The following MTHFD2L variants were observed in gnomAD, a reference collection of about 807,000 sequenced individuals.
MTHFD2L encodes bifunctional methylenetetrahydrofolate dehydrogenase/cyclohydrolase 2, mitochondrial.
MTHFD2L carries 29 observed loss-of-function variants against 34.9 expected under a neutral mutation model. The ratio of observed to expected loss-of-function variants is 0.83; its 90% CI spans 0.62 to 1.13. MTHFD2L has a LOEUF of 1.13. MTHFD2L is among the 50% of genes most tolerant of loss of function. The pLI is 0.00. For missense variants in MTHFD2L, 481 were observed against 446.5 expected, an observed-to-expected ratio of 1.08 and a Z score of -0.70; for synonymous variants, 167 against 155.7, an observed-to-expected ratio of 1.07 and a Z score of -0.54.
At position 74,199,931 on chromosome 4, in the gene MTHFD2L, A is replaced by G. The variant is rs191802169; in HGVS notation, c.589A>G (p.Ile197Val). The change falls in exon 4 of 8, where the codon ATA becomes GTA. Residue 197 changes from isoleucine (I) to valine (V), a missense_variant. By Grantham distance (29) the Ile-to-Val change is conservative. Coordinates refer to ENST00000325278, the MANE Select transcript of MTHFD2L (RefSeq NM_001144978.3). Reference sequence around the variant, plus strand: ...TGCCACTGCCAGTGCTGTTTGGGAAATAATAAAAAGAACAGGTTGGTAATT... The same window carrying G: ...TGCCACTGCCAGTGCTGTTTGGGAAGTAATAAAAAGAACAGGTTGGTAATT... ...IPATASAVWE[I>V]IKRTGIQTFG... 1 of 1,614,022 alleles carries G rather than the reference A, an allele frequency of 6.2e-7. No homozygotes were observed. Among genetic ancestry groups the G allele is most frequent in the African/African-American group, 1.3e-5 (1 of 75,024 alleles).
At chr4:74,267,561 G>T (rs145664237) in intron 6 of MTHFD2L, 1 of 257,880 alleles carries the variant, frequency 3.9e-6, no homozygotes, top group African/African-American at 2.3e-5. Context: ...TGGGACCACA[G>T]CCATGCACCA....
intron 6 of MTHFD2L, among the ~76,000 whole-genome samples, chr4:74,273,809 C>T (rs1746286263): frequency 6.6e-6 from 1 of 152,148 alleles, no homozygotes; most frequent in Admixed American, 6.6e-5. Context: ...CCTCAGCCCC[C>T]CATGGCCTGA....
intron 6 of MTHFD2L, among the ~76,000 whole-genome samples, chr4:74,237,225 C>G (rs1740978785): frequency 6.6e-6 from 1 of 152,212 alleles, no homozygotes. Context: ...GTGAAATCCA[C>G]TGTTCTGTGA....
At chr4:74,199,071 G>A (rs906535993) in intron 3 of MTHFD2L, among the ~76,000 whole-genome samples, 2 of 151,980 alleles carry the variant, frequency 1.3e-5, no homozygotes, top group Non-Finnish European at 2.9e-5. Context: ...TAATTGTTAG[G>A]TTAGTGATAA....
chr4:74,260,848 A>G (rs944973434), intron 6 of MTHFD2L, among the ~76,000 whole-genome samples: 2 of 152,170 alleles, frequency 1.3e-5, no homozygotes, highest in Non-Finnish European at 2.9e-5. Context: ...TAAAAATATT[A>G]CTCATAACCT....
chr4:74,199,569 C>A (rs1335172733), intron 3 of MTHFD2L, among the ~76,000 whole-genome samples: 4 of 151,964 alleles, frequency 2.6e-5, no homozygotes, highest in African/African-American at 9.7e-5. Flanking sequence ...CCACTTTTGG[C>A]TCTGGAATAG....
chr4:74,127,344 T>C (rs1722155205), intron 1 of MTHFD2L, among the ~76,000 whole-genome samples: 1 of 152,182 alleles, frequency 6.6e-6, no homozygotes, highest in Non-Finnish European at 1.5e-5. Flanking sequence ...CACAATGTCT[T>C]ATTTCTTTCA....
At chr4:74,296,838 T>C (rs1749695232) in intron 7 of MTHFD2L, among the ~76,000 whole-genome samples, 1 of 152,072 alleles carries the variant, frequency 6.6e-6, no homozygotes, top group Admixed American at 6.6e-5. Flanking sequence ...GTCTCACTGA[T>C]GAATGAATGA....
At position 74,236,891 on chromosome 4, in the gene MTHFD2L, T is replaced by C. The variant is rs565479468; in HGVS notation, c.805+11497T>C. The stretch of plus-strand genomic sequence containing the variant: ...TTCCCCACTATACTTTCAGTGGATT[T>C]ATCTCTTTTTAGGTTTTTTTTTAAA... On this transcript the variant is annotated intron_variant, in intron 6 of 7. Coordinates refer to ENST00000325278, the MANE Select transcript of MTHFD2L (RefSeq NM_001144978.3). Among the ~76,000 whole-genome samples, 4 of 152,330 alleles carry C rather than the reference T, an allele frequency of 2.6e-5. No individual in the cohort carries two copies. The East Asian group carries it at 7.7e-4, about 29-fold the overall frequency.
At chr4:74,187,091 G>T (rs936576899) in intron 3 of MTHFD2L, among the ~76,000 whole-genome samples, 1 of 152,080 alleles carries the variant, frequency 6.6e-6, no homozygotes, top group African/African-American at 2.4e-5. Flanking sequence ...GTACTGGCTG[G>T]AACAATCAGA....
intron 6 of MTHFD2L, among the ~76,000 whole-genome samples, chr4:74,248,576 G>T (rs1201525048): frequency 2.0e-5 from 3 of 147,552 alleles, no homozygotes; most frequent in Admixed American, 1.4e-4. Context: ...TGATGTTAGG[G>T]TGTCAATTTT....
chr4:74,250,147 G>T (rs950353198), intron 6 of MTHFD2L, among the ~76,000 whole-genome samples: 2 of 152,060 alleles, frequency 1.3e-5, no homozygotes, highest in Non-Finnish European at 2.9e-5. Flanking sequence ...TTTTCACGTA[G>T]TCCCATATTT....
chr4:74,135,044 T>C (rs2109816381), intron 1 of MTHFD2L, among the ~76,000 whole-genome samples: 1 of 152,286 alleles, frequency 6.6e-6, no homozygotes, highest in South Asian at 2.1e-4. Flanking sequence ...GGTAGAAAGC[T>C]TATTCAAAGA....
At chr4:74,120,734 CAG>C (rs1721740580), upstream of MTHFD2L, among the ~76,000 whole-genome samples, 1 of 152,222 alleles carries the variant, frequency 6.6e-6, no homozygotes, top group Admixed American at 6.5e-5. Context: ...GAGATGGACA[CAG>C]AGCACACAGT....
chr4:74,157,509 A>G (rs1424303864), upstream of MTHFD2L: 3 of 382,442 alleles, frequency 7.8e-6, no homozygotes, highest in Non-Finnish European at 1.6e-5. Flanking sequence ...CATCGACTTG[A>G]TCATAACTCA....
At chr4:74,116,072 T>C (rs1721651338) in intron 2 of MTHFD2L, among the ~76,000 whole-genome samples, 2 of 152,202 alleles carry the variant, frequency 1.3e-5, no homozygotes, top group Non-Finnish European at 2.9e-5. Flanking sequence ...GATTTTTCAC[T>C]CTGATTATTG....
chr4:74,142,459 G>A (rs905715939), intron 1 of MTHFD2L, among the ~76,000 whole-genome samples: 1 of 152,186 alleles, frequency 6.6e-6, no homozygotes, highest in African/African-American at 2.4e-5. Context: ...GAAGTCAGAA[G>A]TCTGTAACCT....
At chr4:74,197,629 C>T (rs1733712776) in intron 3 of MTHFD2L, among the ~76,000 whole-genome samples, 1 of 151,926 alleles carries the variant, frequency 6.6e-6, no homozygotes, top group Non-Finnish European at 1.5e-5. Flanking sequence ...AAAAACTGAT[C>T]TTAGAACAAA....
intron 1 of MTHFD2L, among the ~76,000 whole-genome samples, chr4:74,151,709 G>A (rs2109859348): frequency 6.6e-6 from 1 of 152,228 alleles, no homozygotes; most frequent in East Asian, 1.9e-4. Flanking sequence ...AAAAAACTGA[G>A]ATATTTTATT....
Sources: gnomAD v4.1 joint callset for allele counts (sites outside exome capture counted in the v4.1 genomes callset) on GRCh38, gnomAD v4.1.1 for gene constraint, MANE v1.5 for transcripts, NCBI Gene and HGNC (gene_info 2026-07-23, HGNC 2026-07-21) for gene names.